Variants in NPSR1 observed in about 807,000 individuals in gnomAD.
NPSR1 encodes the protein neuropeptide S receptor.
NPSR1 carries 48 observed loss-of-function variants against 46.9 expected under a neutral mutation model. The ratio of observed to expected loss-of-function variants is 1.02; its 90% confidence interval spans 0.81 to 1.30. NPSR1 has a LOEUF of 1.30. NPSR1 is among the 50% of genes most tolerant of loss of function. The pLI, the probability that NPSR1 is intolerant of heterozygous loss-of-function variation, is 0.00. For synonymous variants in NPSR1, 176 were observed against 168.1 expected (o/e 1.05, Z -0.36); for missense variants, 450 against 449.5 (o/e 1.00, Z -0.01).
intron 6 of NPSR1, among the ~76,000 whole-genome samples, chr7:34,840,944 C>T (rs1447027802): frequency 6.6e-6 from 1 of 152,042 alleles, no homozygotes; most frequent in Non-Finnish European, 1.5e-5. Flanking sequence ...ACAGATGAGA[C>T]CTAATGTGCT....
intron 1 of NPSR1, among the ~76,000 whole-genome samples, chr7:34,680,402 T>A (rs1344820851): frequency 6.6e-6 from 1 of 152,108 alleles, no homozygotes; most frequent in Non-Finnish European, 1.5e-5. Flanking sequence ...AAAATAGAAA[T>A]TTTAAAATAT....
At chr7:34,805,968 C>T (rs1788679078) in intron 3 of NPSR1, among the ~76,000 whole-genome samples, 1 of 151,802 alleles carries the variant, frequency 6.6e-6, no homozygotes. Flanking sequence ...ATTAAAACAA[C>T]AGTGAGACAA....
intron 2 of NPSR1, chr7:34,753,410 A>G (rs1429690710): frequency 6.6e-6 from 1 of 152,244 alleles, no homozygotes; most frequent in Admixed American, 6.5e-5. Context: ...GTGCTCATCA[A>G]GAACAGAAGA....
At chr7:34,866,505 C>G (rs1791318561) in intron 8 of NPSR1, among the ~76,000 whole-genome samples, 1 of 151,564 alleles carries the variant, frequency 6.6e-6, no homozygotes, top group Non-Finnish European at 1.5e-5. Context: ...CTTTCCATGT[C>G]TATGTTTATA....
chr7:34,699,821 C>T (rs2128695058), intron 2 of NPSR1, among the ~76,000 whole-genome samples: 1 of 152,252 alleles, frequency 6.6e-6, no homozygotes, highest in South Asian at 2.1e-4. Flanking sequence ...TACAAACCTT[C>T]AGTCTGTAAC....
intron 8 of NPSR1, among the ~76,000 whole-genome samples, chr7:34,869,481 C>G (rs923870125): frequency 6.6e-6 from 1 of 151,630 alleles, no homozygotes; most frequent in African/African-American, 2.4e-5. Context: ...CTGACTGTCA[C>G]CAGTGTCACC....
At chr7:34,806,330 A>G (rs2128749267) in intron 3 of NPSR1, among the ~76,000 whole-genome samples, 1 of 152,236 alleles carries the variant, frequency 6.6e-6, no homozygotes, top group East Asian at 1.9e-4. Context: ...ATATTATTCA[A>G]TGATATAACA....
At chr7:34,866,820 G>GA (rs1024292980) in intron 8 of NPSR1, among the ~76,000 whole-genome samples, 1 of 151,486 alleles carries the variant, frequency 6.6e-6, no homozygotes, top group South Asian at 2.1e-4. Context: ...GTTACAGTTA[G>GA]AAAAAAAAGT....
intron 8 of NPSR1, among the ~76,000 whole-genome samples, chr7:34,877,116 A>T (rs113808395): frequency 3.9e-5 from 6 of 152,334 alleles, no homozygotes; most frequent in African/African-American, 1.4e-4. Context: ...TGGGGCCACC[A>T]AGATGACAAT....
intron 3 of NPSR1, among the ~76,000 whole-genome samples, chr7:34,809,303 T>A (rs1788866168): frequency 6.6e-6 from 1 of 152,048 alleles, no homozygotes; most frequent in Admixed American, 6.6e-5. Flanking sequence ...TCCCAAGAGA[T>A]AATTTTTTCT....
chr7:34,695,991 A>C (rs1303047676), intron 2 of NPSR1, among the ~76,000 whole-genome samples: 1 of 151,656 alleles, frequency 6.6e-6, no homozygotes, highest in African/African-American at 2.4e-5. Flanking sequence ...TATAAAAAAG[A>C]CATTTGCCCT....
At chr7:34,724,835 A>G (rs185093889) in intron 2 of NPSR1, among the ~76,000 whole-genome samples, 12 of 152,338 alleles carry the variant, frequency 7.9e-5, no homozygotes, top group African/African-American at 2.9e-4. Flanking sequence ...AGTGATAACT[A>G]CCATCATTAT....
chr7:34,750,818 C>T (rs935383892), intron 2 of NPSR1: 22 of 691,766 alleles, frequency 3.2e-5, no homozygotes, highest in African/African-American at 5.3e-5. Flanking sequence ...TGTGTGGAAC[C>T]GCTGACACAG....
At chr7:34,830,389 G>A (rs12111597) in intron 5 of NPSR1, among the ~76,000 whole-genome samples, 44,126 of 151,772 alleles carry the variant, frequency 0.29, 6,892 homozygotes, top group African/African-American at 0.38. Flanking sequence ...GTTTTATTTT[G>A]CATTTCTTTC....
At chr7:34,728,830 C>G (rs1482845098) in intron 2 of NPSR1, 1 of 152,584 alleles carries the variant, frequency 6.6e-6, no homozygotes, top group African/African-American at 2.4e-5. Context: ...TAAATGGGAA[C>G]AAAGAGAGAA....
At chr7:34,799,349 C>A (rs1462213261) in intron 3 of NPSR1, among the ~76,000 whole-genome samples, 1 of 151,814 alleles carries the variant, frequency 6.6e-6, no homozygotes, top group Non-Finnish European at 1.5e-5. Flanking sequence ...AAAGCTGTTT[C>A]TTTAAAAAGA....
intron 2 of NPSR1, among the ~76,000 whole-genome samples, chr7:34,725,965 G>A (rs571177746): frequency 3.3e-5 from 5 of 152,196 alleles, no homozygotes; most frequent in Admixed American, 6.5e-5. Flanking sequence ...CTTGCCTGCC[G>A]CCATGTAAGA....
At chr7:34,745,435 G>T (rs1785153607) in intron 2 of NPSR1, among the ~76,000 whole-genome samples, 1 of 152,014 alleles carries the variant, frequency 6.6e-6, no homozygotes, top group Admixed American at 6.6e-5. Flanking sequence ...GTTCTACTTT[G>T]TTCTTAAATT....
intron 3 of NPSR1, among the ~76,000 whole-genome samples, chr7:34,801,611 C>T (rs1183802451): frequency 7.0e-6 from 1 of 143,402 alleles, no homozygotes; most frequent in Non-Finnish European, 1.5e-5. Flanking sequence ...CAGCCAATAT[C>T]ATATTGAATG....
Sources: allele counts gnomAD v4.1 joint callset (sites outside exome capture counted in the v4.1 genomes callset), GRCh38; gene constraint gnomAD v4.1.1; transcripts MANE v1.5; gene names NCBI Gene and HGNC (gene_info 2026-07-23, HGNC 2026-07-21).